Variants in NACAD observed in about 807,000 individuals in gnomAD.
The protein encoded by NACAD is NAC-alpha domain-containing protein 1.
Under a neutral mutation model 98.9 loss-of-function variants are expected in NACAD, and 47 were observed. The observed-to-expected ratio is 0.48, with a 90% CI of 0.38 to 0.61. The LOEUF (loss-of-function observed/expected upper bound fraction) is 0.61, where lower values mean the gene tolerates loss of function less well. Ranked by LOEUF, NACAD falls within the 20% of genes least tolerant of loss-of-function variation. The probability of loss-of-function intolerance (pLI) is 0.00; values close to 1 mark genes in which losing one functional copy is unlikely to be tolerated. For synonymous variants in NACAD, 696 were observed against 767.2 expected, an observed-to-expected ratio of 0.91 and a Z score of 1.53; for missense variants, 1,412 against 1,748.2, an observed-to-expected ratio of 0.81 and a Z score of 3.43.
chr7:45,088,445 G>T lies in NACAD; in HGVS notation c.67+383C>A, dbSNP rs1413617459. ...CCGGTGGTCACCTGATCGTACTGGG[G>T]GTATCAGCCGGACACCCCGCCTCCA... is the stretch of plus-strand genomic sequence containing the variant. On this transcript the variant is annotated intron_variant, in intron 1 of 7. Coordinates refer to ENST00000490531, the MANE Select transcript of NACAD (RefSeq NM_001146334.2). The surrounding 1 kb of genome is among the most constrained non-coding windows in gnomAD (Gnocchi z 5.7). 6.6e-6 allele frequency among the ~76,000 whole-genome samples: 1 copy of T among 152,084 alleles called. No homozygotes were observed. Among genetic ancestry groups the T allele is most frequent in the African/African-American group, 2.4e-5 (1 of 41,408 alleles).
At position 45,081,021 on chromosome 7, in the gene NACAD, A is replaced by G. The variant is rs1314869873; in HGVS notation, c.4406T>C (p.Ile1469Thr). ...GTGCACTTGCTGGGACAGGTCCTCA[A>G]TCTGCAAAATGGAAGACAGCTGTGT... ...DTYVVFGEAK[I>T]EDLSQQVHKA... The change falls in exon 6 of 8, where the codon ATT (isoleucine) becomes ACT (threonine). Residue 1469 changes from isoleucine (I) to threonine (T), a missense_variant and splice_region_variant. By Grantham distance (89) the Ile-to-Thr change is moderately conservative. Coordinates refer to ENST00000490531, the MANE Select transcript of NACAD (RefSeq NM_001146334.2). 7 of 1,551,618 alleles carry G rather than the reference A, an allele frequency of 4.5e-6. No homozygotes were observed. The highest frequency in any genetic ancestry group is 5.2e-6 in the Non-Finnish European group (6 of 1,146,930).
chr7:45,081,995 G>A, intron 2 of NACAD, 113 bp downstream of exon 2: 2 of 1,444,138 alleles, frequency 1.4e-6, no homozygotes, highest in South Asian at 1.4e-5. Context: ...GGTGGCTGTG[G>A]GGTCTGGGCC....
chr7:45,084,859 C>CAG lies in NACAD; in HGVS notation c.1319_1320dup (p.Val441LeufsTer25). 1.3e-6 allele frequency: 2 copies of CAG among 1,550,960 alleles called. No individual in the cohort carries two copies. The highest frequency in any genetic ancestry group is 1.2e-5 in the South Asian group (1 of 84,054). ...GGAGCAGCCTCCACGGCCCAGGACA[C>CAG]AGTCCCATCCTGAGCCTGCAGCCCC... On this transcript the variant is annotated frameshift_variant, in exon 2 of 8. Coordinates refer to ENST00000490531, the MANE Select transcript of NACAD (RefSeq NM_001146334.2). LOFTEE classifies it high-confidence loss of function.
Position 45,081,277 on chromosome 7 carries a change from GC to G in NACAD, c.4258-15del. ...CTTTGACATTGCCTGGGAGTAGAGG[GC>G]AGAGGGGGGCTCAGACCTGGTGTTG... On this transcript the variant is annotated splice_polypyrimidine_tract_variant and intron_variant, in intron 4 of 7. Transcript: ENST00000490531. 6.4e-7 allele frequency: 1 copy of G among 1,550,476 alleles called. No homozygotes were observed. Among genetic ancestry groups the G allele is most frequent in the Non-Finnish European group, 8.7e-7 (1 of 1,146,734 alleles).
intron 6 of NACAD, 31 bp downstream of exon 6, chr7:45,080,845 C>T (rs538538168): frequency 3.9e-6 from 6 of 1,550,786 alleles, no homozygotes; most frequent in Non-Finnish European, 4.4e-6. Flanking sequence ...CCCACCACCC[C>T]CTGCGAGGCC....
chr7:45,080,634 A>G lies in NACAD; in HGVS notation c.4674+6T>C. ...GGGGTAGGGAAAGGGGCCAGTGCTCACTCACCATGATGGCGTTGACGATGT... is the reference window on the plus strand; with the variant it reads ...GGGGTAGGGAAAGGGGCCAGTGCTCGCTCACCATGATGGCGTTGACGATGT... On this transcript the variant is annotated splice_donor_region_variant and intron_variant, in intron 7 of 7. Transcript: ENST00000490531. 1 of 1,551,272 alleles carries G rather than the reference A, an allele frequency of 6.4e-7. No individual in the cohort carries two copies. Among genetic ancestry groups the G allele is most frequent in the Non-Finnish European group, 8.7e-7 (1 of 1,146,890 alleles).
At chr7:45,080,547 G>T in intron 7 of NACAD, 24 bp from the exon 8 acceptor site, 2 of 1,551,420 alleles carry the variant, frequency 1.3e-6, no homozygotes. Flanking sequence ...TGGTCATGTT[G>T]GGGGAAGCAC....
chr7:45,082,367 T>G lies in NACAD; in HGVS notation c.3813A>C (p.Pro1271=). The G allele has an allele frequency of 6.5e-7, 1 of 1,549,946 alleles. No individual in the cohort carries two copies. Among genetic ancestry groups the G allele is most frequent in the Non-Finnish European group, 8.7e-7 (1 of 1,146,830 alleles). Residue 1271 remains proline, a synonymous_variant, in exon 2 of 8, where the codon CCA becomes CCC. Transcript: ENST00000490531. The surrounding 1 kb of genome is among the most constrained non-coding windows in gnomAD (Gnocchi z 4.5). ...DEEPPGSLGL[P]PPQAGVQPAA... Reference sequence around the variant, plus strand: ...CAGGCTGGACTCCTGCCTGGGGCGGTGGGAGGCCCAGAGAGCCTGGGGGCT... The same window carrying G: ...CAGGCTGGACTCCTGCCTGGGGCGGGGGGAGGCCCAGAGAGCCTGGGGGCT...
rs1168851115 is a variant in NACAD at position 45,085,873 on chromosome 7, G to A, written c.307C>T (p.Gln103Ter). 1.9e-6 allele frequency: 3 copies of A among 1,547,066 alleles called. No individual in the cohort carries two copies. The highest frequency in any genetic ancestry group is 2.7e-5 in the African/African-American group (2 of 72,988). Residue 103 changes from glutamine to a stop codon, truncating the protein, a stop_gained, in exon 2 of 8, where the codon CAG (glutamine) becomes TAG (stop). Coordinates refer to ENST00000490531, the MANE Select transcript of NACAD (RefSeq NM_001146334.2). LOFTEE classifies it high-confidence loss of function. This position sits in a 1 kb window ranked among gnomAD's most constrained non-coding sequence, Gnocchi z 6.1. ...AGAGGAGCCTCCGTGGACAGAGCCT[G>A]GGAAGACAGGCCCTCAGGGAGGAGC... ...PMLLPEGLSSQALSTEAPLPA... is the reference protein window; with the variant it reads ...PMLLPEGLSS
In NACAD at chr7:45,083,087, A is replaced by G; in HGVS notation, c.3093T>C (p.Pro1031=). The change falls in exon 2 of 8, where the codon CCT becomes CCC. Residue 1031 remains proline, a synonymous_variant. Transcript: ENST00000490531. The part of the protein sequence containing the change: ...STLGMEALSL[P]EPASGAGEEI... ...CCTCCCCAGCACCAGAGGCCGGCTC[A>G]GGGAGACTGAGGGCCTCCATGCCCA... 6.4e-7 allele frequency: 1 copy of G among 1,550,806 alleles called. No individual in the cohort carries two copies.
rs558917144 is a variant in NACAD, at chr7:45,084,590, C to T, written c.1590G>A (p.Glu530=). Residue 530 remains glutamate, a synonymous_variant, in exon 2 of 8, where the codon GAG becomes GAA. Transcript: ENST00000490531. ...AAMAMPQPSQ[E]GISEILGQES... ...CTTGGCCTAAGATCTCGCTGATGCC[C>T]TCCTGGGAGGGCTGAGGCATTGCCA... 1.2e-5 allele frequency: 19 copies of T among 1,551,878 alleles called. No individual in the cohort carries two copies. In the East Asian group the frequency reaches 4.4e-4, roughly 36 times the overall value.
Position 45,082,776 on chromosome 7 carries a change from G to A in NACAD, c.3404C>T (p.Pro1135Leu), listed in dbSNP as rs966759354. 5.2e-6 allele frequency: 8 copies of A among 1,549,168 alleles called. No homozygotes were observed. The highest frequency in any genetic ancestry group is 4.9e-5 in the East Asian group (2 of 40,920). ...EERGLSGKST[P>L]EPTLPSAVAT... Reference sequence around the variant, plus strand: ...CACAGCTGAGGGAAGCGTGGGCTCCGGGGTGGACTTGCCACTCAGGCCTCT... The same window carrying A: ...CACAGCTGAGGGAAGCGTGGGCTCCAGGGTGGACTTGCCACTCAGGCCTCT... Residue 1135 changes from proline to leucine, a missense_variant, in exon 2 of 8, where the codon CCG (proline) becomes CTG (leucine). Transcript: ENST00000490531. The surrounding 1 kb of genome is among the most constrained non-coding windows in gnomAD (Gnocchi z 4.5).
At position 45,085,127 on chromosome 7, in the gene NACAD, C is replaced by T. The variant is rs757031204; in HGVS notation, c.1053G>A (p.Glu351=). ...AGGCAGACGTGCTGTCCTCCTCACC[C>T]TCCCCAGCCAGGTCCCCACCTGGGT... The part of the protein sequence containing the change: ...DPDPGGDLAG[E]GEEDSTSASF... Residue 351 remains glutamate (E), a synonymous_variant, in exon 2 of 8, where the codon GAG becomes GAA. Transcript: ENST00000490531. The surrounding 1 kb of genome is among the most constrained non-coding windows in gnomAD (Gnocchi z 6.1). The T allele has an allele frequency of 1.4e-4, 216 of 1,550,900 alleles. No homozygotes were observed. The highest frequency in any genetic ancestry group is 1.8e-4 in the Non-Finnish European group (207 of 1,146,788).
At position 45,084,925 on chromosome 7, in the gene NACAD, T is replaced by C; in HGVS notation, c.1255A>G (p.Ser419Gly). Residue 419 changes from serine to glycine, a missense_variant, in exon 2 of 8, where the codon AGT becomes GGT. By Grantham distance (56) the Ser-to-Gly change is moderately conservative. Transcript: ENST00000490531. ...CTCTCCTCCTCTGTCTTCTGGACAC[T>C]GTCCTGGAGCAAAGTGGCCTGGGCA... ...PHAQATLLQD[S>G]VQKTEEESGG... 6.4e-7 allele frequency: 1 copy of C among 1,551,060 alleles called. No homozygotes were observed. The highest frequency in any genetic ancestry group is 2.4e-5 in the East Asian group (1 of 40,930).
At position 45,088,783 on chromosome 7, in the gene NACAD, A is replaced by G; in HGVS notation, c.67+45T>C. The G allele has an allele frequency of 1.4e-6, 2 of 1,441,424 alleles. No individual in the cohort carries two copies. Among genetic ancestry groups the G allele is most frequent in the Non-Finnish European group, 1.8e-6 (2 of 1,092,728 alleles). 89.3% of individuals were successfully genotyped at this position (1,441,424 alleles called of 1,614,324 possible). ...GCGATGGAAAGAGAACCCGGGCTGG[A>G]GAGGGGAGAGGCTGAAGGCAGGGAA... On this transcript the variant is annotated intron_variant, in intron 1 of 7. Transcript: ENST00000490531. This position sits in a 1 kb window ranked among gnomAD's most constrained non-coding sequence, Gnocchi z 5.7.
Position 45,082,000 on chromosome 7 carries a change from T to C in NACAD, c.4072+108A>G, listed in dbSNP as rs920712262. The C allele has an allele frequency of 3.5e-6, 5 of 1,445,976 alleles. No individual in the cohort carries two copies. The Admixed American group carries it at 1.2e-4, about 35-fold the overall frequency. The allele number at this position is 1,445,976 out of a possible 1,614,324, so 89.6% of individuals were successfully genotyped here. ...AGCTCTCCATGGTGGCTGTGGGGTCTGGGCCCCCCACCTCGCCACCTCAGA... is the reference window on the plus strand; with the variant it reads ...AGCTCTCCATGGTGGCTGTGGGGTCCGGGCCCCCCACCTCGCCACCTCAGA... On this transcript the variant is annotated intron_variant, in intron 2 of 7. Coordinates refer to ENST00000490531, the MANE Select transcript of NACAD (RefSeq NM_001146334.2).
At chr7:45,081,412 T>C in intron 4 of NACAD, 149 bp from the exon 5 acceptor site, 4 of 1,274,476 alleles carry the variant, frequency 3.1e-6, no homozygotes, top group Non-Finnish European at 4.3e-6. Context: ...TGAGCCTCAG[T>C]CTATAAGGGC....
chr7:45,081,041 C>T lies in NACAD; in HGVS notation c.4405-19G>A, dbSNP rs1485647772. The T allele has an allele frequency of 3.2e-6, 5 of 1,551,148 alleles. No individual in the cohort carries two copies. In the East Asian group the frequency reaches 1.2e-4, roughly 38 times the overall value. ...CCTCAATCTGCAAAATGGAAGACAG[C>T]TGTGTCAGTAGAGCCTGTCCCCCCC... On this transcript the variant is annotated intron_variant, in intron 5 of 7. Coordinates refer to ENST00000490531, the MANE Select transcript of NACAD (RefSeq NM_001146334.2).
intron 1 of NACAD, among the ~76,000 whole-genome samples, chr7:45,086,556 T>C (rs1289401668): frequency 1.3e-5 from 2 of 152,214 alleles, no homozygotes; most frequent in Non-Finnish European, 2.9e-5. Context: ...ATGCGCCACA[T>C]GAGGCAGGTG....
Sources: allele counts gnomAD v4.1 joint callset (sites outside exome capture counted in the v4.1 genomes callset), GRCh38; gene constraint gnomAD v4.1.1; non-coding constraint Gnocchi (gnomAD v3.1); transcripts MANE v1.5; gene names NCBI Gene and HGNC (gene_info 2026-07-23, HGNC 2026-07-21).